Variants in ITIH5 observed in about 807,000 individuals in gnomAD.
The protein encoded by ITIH5 is inter-alpha-trypsin inhibitor heavy chain H5.
ITIH5 carries 65 observed loss-of-function variants against 77.5 expected under a neutral mutation model. The observed-to-expected ratio is 0.84, with a 90% CI of 0.69 to 1.03. The LOEUF (loss-of-function observed/expected upper bound fraction) is 1.03. Among genes scored for constraint, ITIH5 ranks in the 50% least tolerant of loss-of-function variants. The pLI, the probability that ITIH5 is intolerant of heterozygous loss-of-function variation, is 0.00. For missense variants in ITIH5, 1,208 were observed against 1,213.1 expected (o/e 1.00, Z 0.06); for synonymous variants, 525 against 494.3 (o/e 1.06, Z -0.82).
chr10:7,596,546 T>C (rs1026363867), intron 7 of ITIH5, among the ~76,000 whole-genome samples: 13 of 152,094 alleles, frequency 8.5e-5, no homozygotes, highest in Admixed American at 8.5e-4. Flanking sequence ...ACCCATGACA[T>C]CACAGATGAA....
chr10:7,593,306 C>T (rs1832831618), intron 7 of ITIH5, among the ~76,000 whole-genome samples: 1 of 152,014 alleles, frequency 6.6e-6, no homozygotes, highest in Non-Finnish European at 1.5e-5. Flanking sequence ...TGGACTCCTG[C>T]CCTCATTCCA....
chr10:7,602,379 A>G (rs1018743391), intron 7 of ITIH5, among the ~76,000 whole-genome samples: 12 of 152,250 alleles, frequency 7.9e-5, no homozygotes, highest in African/African-American at 2.4e-4. Flanking sequence ...CCCGAATCTC[A>G]CCTTGAATTT....
chr10:7,573,685 A>AAG (rs1370387441), intron 10 of ITIH5, among the ~76,000 whole-genome samples: 3 of 151,328 alleles, frequency 2.0e-5, no homozygotes, highest in Non-Finnish European at 2.9e-5. Context: ...AAAAAAAAAA[A>AAG]AAAAAGGAAA....
chr10:7,572,717 A>G (rs1331068743), intron 11 of ITIH5: 1 of 197,686 alleles, frequency 5.1e-6, no homozygotes, highest in Admixed American at 5.7e-5. Context: ...GGCTTGATAC[A>G]TTGCTGAATG....
chr10:7,628,617 A>G (rs796486000), intron 5 of ITIH5, among the ~76,000 whole-genome samples: 21 of 104,800 alleles, frequency 2.0e-4, no homozygotes, highest in South Asian at 6.8e-4. Context: ...CATCCATGTT[A>G]TGGGATGTGT....
At chr10:7,602,041 ACAGGGTTTCAC>A (rs1833025978) in intron 7 of ITIH5, among the ~76,000 whole-genome samples, 1 of 152,048 alleles carries the variant, frequency 6.6e-6, no homozygotes, top group South Asian at 2.1e-4. Flanking sequence ...TTTAGTAGAG[ACAGGGTTTCAC>A]CATGTTGGCC....
chr10:7,614,263 G>A (rs776805026), intron 7 of ITIH5, among the ~76,000 whole-genome samples: 3 of 152,166 alleles, frequency 2.0e-5, no homozygotes, highest in South Asian at 2.1e-4. Context: ...GGCAGGTTGC[G>A]CTCTGGACGA....
At chr10:7,585,185 C>A (rs1013736166) in intron 8 of ITIH5, among the ~76,000 whole-genome samples, 1 of 152,190 alleles carries the variant, frequency 6.6e-6, no homozygotes, top group Non-Finnish European at 1.5e-5. Flanking sequence ...ATACTGAGCA[C>A]CTCTTCTGTG....
At chr10:7,572,597 G>A (rs1467847861) in intron 11 of ITIH5, among the ~76,000 whole-genome samples, 1 of 152,014 alleles carries the variant, frequency 6.6e-6, no homozygotes, top group Non-Finnish European at 1.5e-5. Context: ...ATAGCTCACT[G>A]CAGCCTCATC....
At chr10:7,617,792 A>G (rs1001645968) in intron 5 of ITIH5, 1 of 152,220 alleles carries the variant, frequency 6.6e-6, no homozygotes, top group Non-Finnish European at 1.5e-5. Context: ...ATTTAAATTT[A>G]TCTGATTCCC....
chr10:7,639,776 T>G (rs887618775), intron 4 of ITIH5, among the ~76,000 whole-genome samples: 1 of 152,222 alleles, frequency 6.6e-6, no homozygotes, highest in African/African-American at 2.4e-5. Context: ...TTGGTTTCAA[T>G]GTTTAGATTC....
chr10:7,574,887 G>A (rs978471808), intron 10 of ITIH5, among the ~76,000 whole-genome samples: 10 of 150,804 alleles, frequency 6.6e-5, no homozygotes, highest in African/African-American at 2.4e-4. Flanking sequence ...AGTCTTGTAT[G>A]GTCCAGATCC....
intron 5 of ITIH5, among the ~76,000 whole-genome samples, chr10:7,634,468 T>C (rs1054213844): frequency 3.9e-5 from 6 of 152,226 alleles, no homozygotes; most frequent in Non-Finnish European, 7.3e-5. Flanking sequence ...CTTCATGTTC[T>C]GGACGGCAAA....
At chr10:7,657,264 G>C (rs922461022) in intron 1 of ITIH5, among the ~76,000 whole-genome samples, 1 of 151,562 alleles carries the variant, frequency 6.6e-6, no homozygotes, top group Non-Finnish European at 1.5e-5. Flanking sequence ...GGCCAGCATG[G>C]TCTGGATCTC....
Position 7,628,828 on chromosome 10 carries a change from C to T in ITIH5, c.652+8400G>A, listed in dbSNP as rs1041972850. Among the ~76,000 whole-genome samples the T allele has an allele frequency of 1.3e-4, 16 of 118,790 alleles. 1 individual carries two copies. Among genetic ancestry groups the T allele is most frequent in the Non-Finnish European group, 1.9e-4 (10 of 52,086 alleles). 77.9% of individuals were successfully genotyped at this position (118,790 alleles called of 152,430 possible). A position where few individuals can be genotyped will look rare whatever the true frequency, so the allele number is the denominator to read the frequency against. On this transcript the variant is annotated intron_variant, in intron 5 of 13. Coordinates refer to ENST00000397146, the MANE Select transcript of ITIH5 (RefSeq NM_030569.7). ...GTTTTTGCATGTGTCCATGTTGTAG[C>T]GTGTGTCCCTGTTGTAGCGTGTGTC...
chr10:7,586,912 C>A (rs1383563208), intron 7 of ITIH5, among the ~76,000 whole-genome samples: 1 of 152,022 alleles, frequency 6.6e-6, no homozygotes. Flanking sequence ...CTCACTGCAA[C>A]CTCTGCCTCC....
intron 7 of ITIH5, among the ~76,000 whole-genome samples, chr10:7,601,361 T>G (rs1833012095): frequency 1.3e-5 from 2 of 152,160 alleles, no homozygotes; most frequent in African/African-American, 2.4e-5. Context: ...TGTTCATATC[T>G]GGGGAGGGTG....
At position 7,616,119 on chromosome 10, in the gene ITIH5, T is replaced by C. The variant is rs538169405; in HGVS notation, c.823-21A>G. On this transcript the variant is annotated intron_variant, in intron 6 of 13. Coordinates refer to ENST00000397146, the MANE Select transcript of ITIH5 (RefSeq NM_030569.7). ...AGAACCTGGTGGAGGGAAAAGAAAG[T>C]AAAAACGGTAGTACCTAGAGCGGGG... 3.5e-6 allele frequency: 5 copies of C among 1,421,986 alleles called. No homozygotes were observed. The South Asian group carries it at 5.7e-5, about 16-fold the overall frequency. The allele number at this position is 1,421,986 out of a possible 1,614,324, so 88.1% of individuals were successfully genotyped here. A position where few individuals can be genotyped will look rare whatever the true frequency, so the allele number is the denominator to read the frequency against.
At chr10:7,611,401 T>C (rs1833241363) in intron 7 of ITIH5, among the ~76,000 whole-genome samples, 3 of 152,354 alleles carry the variant, frequency 2.0e-5, no homozygotes, top group Admixed American at 2.0e-4. Flanking sequence ...AGTTCATTAG[T>C]TTTTCTCTGG....
Sources: allele counts gnomAD v4.1 joint callset (sites outside exome capture counted in the v4.1 genomes callset), GRCh38; gene constraint gnomAD v4.1.1; transcripts MANE v1.5; gene names NCBI Gene and HGNC (gene_info 2026-07-23, HGNC 2026-07-21).